The following TJP2 variants were observed in gnomAD, a reference collection of about 807,000 sequenced individuals.
TJP2 encodes the protein tight junction protein 2, also known as Friedreich ataxia region gene X104 (tight junction protein ZO-2).
TJP2 carries 91 observed loss-of-function variants against 133.1 expected under a neutral mutation model. The ratio of observed to expected loss-of-function variants is 0.68; its 90% CI spans 0.58 to 0.81. The LOEUF (loss-of-function observed/expected upper bound fraction) is 0.81. Ranked by LOEUF, TJP2 falls within the 40% of genes least tolerant of loss-of-function variation. The pLI is 0.00. For missense variants in TJP2, 1,541 were observed against 1,565.6 expected (o/e 0.98, Z 0.26); for synonymous variants, 592 against 583.4 (o/e 1.01, Z -0.21).
At chr9:69,148,245 T>A (rs902965356) in intron 1 of TJP2, among the ~76,000 whole-genome samples, 6 of 143,430 alleles carry the variant, frequency 4.2e-5, no homozygotes, top group Admixed American at 7.2e-5. Context: ...ATATTTTTTT[T>A]AATTTTTTTT....
chr9:69,231,555 A>G (rs1250848681), intron 11 of TJP2, among the ~76,000 whole-genome samples: 1 of 152,164 alleles, frequency 6.6e-6, no homozygotes, highest in Non-Finnish European at 1.5e-5. Flanking sequence ...GGGAGAAAAA[A>G]GTTCTAGAAT....
At chr9:69,155,242 AAAAAAAAGG>A (rs1823691236) in intron 2 of TJP2, among the ~76,000 whole-genome samples, 1 of 151,728 alleles carries the variant, frequency 6.6e-6, no homozygotes, top group Admixed American at 6.6e-5. Flanking sequence ...AAAAAAAAAA[AAAAAAAAGG>A]AAAAGAAAAC....
chr9:69,230,392 G>A (rs182244851), intron 11 of TJP2, among the ~76,000 whole-genome samples, 160 bp downstream of exon 11: 3 of 152,278 alleles, frequency 2.0e-5, no homozygotes, highest in Middle Eastern at 3.4e-3. Context: ...CCTCAAATGC[G>A]TCCTGTCTTC....
chr9:69,212,669 A>C (rs770178394), intron 2 of TJP2, 68 bp downstream of exon 2: 8 of 1,361,548 alleles, frequency 5.9e-6, no homozygotes, highest in Non-Finnish European at 8.4e-6. Flanking sequence ...GATCTTATTT[A>C]TTTTCACCTA....
At position 69,130,015 on chromosome 9, in the gene TJP2, CAA is replaced by C. The variant is rs11355311; in HGVS notation, c.-131+8306_-131+8307del. On this transcript the variant is annotated intron_variant, in intron 1 of 5. Coordinates refer to the TJP2 transcript ENST00000423935. ...GGGGGACAAGAGCGAAACTCTGCCT[CAA>C]AAAAAAAAAAAAAAAGAAAAAGAAA... Among the ~76,000 whole-genome samples, 850 of 94,164 alleles carry C rather than the reference CAA, an allele frequency of 9.0e-3. 10 individuals are homozygous for C. Among genetic ancestry groups the C allele is most frequent in the East Asian group, 0.043 (156 of 3,634 alleles). The allele number at this position is 94,164 out of a possible 152,430, so 61.8% of individuals were successfully genotyped here.
intron 2 of TJP2, among the ~76,000 whole-genome samples, chr9:69,152,932 T>TA (rs1016232413): frequency 2.1e-5 from 3 of 143,884 alleles, no homozygotes; most frequent in African/African-American, 7.6e-5. Context: ...CTGGAGCTCT[T>TA]AAAGGTCCCA....
rs961780770 is a variant in TJP2 at position 69,247,883 on chromosome 9, A to G, written c.2668-129A>G. 5.5e-6 allele frequency: 5 copies of G among 913,126 alleles called. No homozygotes were observed. The African/African-American group carries it at 6.6e-5, about 12-fold the overall frequency. 56.6% of individuals were successfully genotyped at this position (913,126 alleles called of 1,614,324 possible). A position where few individuals can be genotyped will look rare whatever the true frequency, so the allele number is the denominator to read the frequency against. The stretch of plus-strand genomic sequence containing the variant: ...GCCAAGTGATCTCAGGGAGAAAAAT[A>G]AAAGATGCCTTCCCTGGCGAGCACA... On this transcript the variant is annotated intron_variant, in intron 18 of 22. Transcript: ENST00000377245.
intron 1 of TJP2, among the ~76,000 whole-genome samples, chr9:69,184,847 C>A (rs117014879): frequency 7.6e-6 from 1 of 131,506 alleles, no homozygotes; most frequent in Non-Finnish European, 1.7e-5. Context: ...ACTTCCCTGG[C>A]TCAAGTGATC....
intron 2 of TJP2, among the ~76,000 whole-genome samples, chr9:69,169,091 C>A (rs1267173407): frequency 6.6e-6 from 1 of 152,114 alleles, no homozygotes; most frequent in Admixed American, 6.5e-5. Flanking sequence ...GTCCTTCTGG[C>A]GGAGTTTTAG....
intron 19 of TJP2, chr9:69,248,527 C>A: frequency 7.7e-7 from 1 of 1,291,434 alleles, no homozygotes; most frequent in Non-Finnish European, 9.8e-7. Flanking sequence ...CGGAACCTTC[C>A]TTCCCATGCA....
At chr9:69,172,163 A>T (rs368029593), upstream of TJP2, among the ~76,000 whole-genome samples, 1 of 152,248 alleles carries the variant, frequency 6.6e-6, no homozygotes, top group East Asian at 1.9e-4. Flanking sequence ...CACGTGAAGA[A>T]GATGACTAAT....
In TJP2 at chr9:69,226,186, A is replaced by G. The variant is rs376902086; in HGVS notation, c.1210+11A>G. 1 of 1,613,966 alleles carries G rather than the reference A, an allele frequency of 6.2e-7. No homozygotes were observed. Among genetic ancestry groups the G allele is most frequent in the African/African-American group, 1.3e-5 (1 of 75,068 alleles). On this transcript the variant is annotated intron_variant, in intron 7 of 22. Coordinates refer to ENST00000377245, the MANE Select transcript of TJP2 (RefSeq NM_004817.4). Reference sequence around the variant, plus strand: ...ACTCAGAAATAGAAGGTAAAGGAAGAGGAGGCTGTGAGCTTAGCTGGAAGT... The same window carrying G: ...ACTCAGAAATAGAAGGTAAAGGAAGGGGAGGCTGTGAGCTTAGCTGGAAGT...
rs1828387414 is a variant in TJP2, at chr9:69,216,481, C to A, written c.239+18C>A. 6.2e-7 allele frequency: 1 copy of A among 1,613,764 alleles called. No homozygotes were observed. The highest frequency in any genetic ancestry group is 1.3e-5 in the African/African-American group (1 of 74,896). ...CTGCTCCAGTGAGTGTCCTCCCTCGCTCCGCAGCCCCTACCAGCCCTACTG... is the reference window on the plus strand; with the variant it reads ...CTGCTCCAGTGAGTGTCCTCCCTCGATCCGCAGCCCCTACCAGCCCTACTG... On this transcript the variant is annotated intron_variant, in intron 3 of 22. Coordinates refer to ENST00000377245, the MANE Select transcript of TJP2 (RefSeq NM_004817.4).
In TJP2 at chr9:69,227,798, C is replaced by T. The variant is rs1411553268; in HGVS notation, c.1244C>T (p.Ser415Phe). ...ISEIESNRSF[S>F]PEERRHQYSD... ...GAAATAGAGTCAAACCGATCATTTT[C>T]TCCAGAGGAGAGACGTCATCAGTAT... Residue 415 changes from serine (S) to phenylalanine (F), a missense_variant, in exon 8 of 23, where the codon TCT becomes TTT. Physicochemically the swap from Ser to Phe is radical, Grantham distance 155. Coordinates refer to ENST00000377245, the MANE Select transcript of TJP2 (RefSeq NM_004817.4). 1.2e-6 allele frequency: 2 copies of T among 1,613,452 alleles called. No homozygotes were observed. Among genetic ancestry groups the T allele is most frequent in the African/African-American group, 2.7e-5 (2 of 74,996 alleles).
intron 1 of TJP2, among the ~76,000 whole-genome samples, chr9:69,178,290 A>G (rs1825243635): frequency 6.6e-6 from 1 of 152,252 alleles, no homozygotes; most frequent in Admixed American, 6.5e-5. Context: ...TGATGCATGA[A>G]TATTATATGT....
intron 17 of TJP2, 25 bp from the exon 18 acceptor site, chr9:69,246,665 G>T: frequency 3.5e-5 from 55 of 1,593,292 alleles, no homozygotes; most frequent in Non-Finnish European, 4.7e-5. Flanking sequence ...AATTAATGCA[G>T]ACCTTTTTGT....
chr9:69,190,472 C>T (rs1265456738), intron 1 of TJP2, among the ~76,000 whole-genome samples: 1 of 152,200 alleles, frequency 6.6e-6, no homozygotes, highest in African/African-American at 2.4e-5. Flanking sequence ...TGACTTTGAG[C>T]TGACCTAACT....
At chr9:69,243,762 C>T (rs1396099220) in intron 17 of TJP2, among the ~76,000 whole-genome samples, 1 of 152,146 alleles carries the variant, frequency 6.6e-6, no homozygotes, top group African/African-American at 2.4e-5. Flanking sequence ...AGATGCTGGG[C>T]CCCCTAGCTG....
chr9:69,168,741 G>T (rs746994437), intron 2 of TJP2, among the ~76,000 whole-genome samples: 9 of 150,850 alleles, frequency 6.0e-5, no homozygotes, highest in Admixed American at 1.3e-4. Context: ...GTTGCAGTGA[G>T]CTAAGACGGC....
Sources: gnomAD v4.1 joint callset for allele counts (sites outside exome capture counted in the v4.1 genomes callset) on GRCh38, gnomAD v4.1.1 for gene constraint, MANE v1.5 for transcripts, NCBI Gene and HGNC (gene_info 2026-07-23, HGNC 2026-07-21) for gene names.